The following SH2D4A variants were observed in gnomAD, a reference collection of about 807,000 sequenced individuals.
SH2D4A encodes SH2 domain-containing protein 4A.
A neutral mutation model predicts 64.7 loss-of-function variants in SH2D4A; 70 were observed. That is an observed-to-expected ratio of 1.08 (90% confidence interval 0.89 to 1.32). The LOEUF (loss-of-function observed/expected upper bound fraction) is 1.32. SH2D4A is among the 40% of genes most tolerant of loss of function. The probability of loss-of-function intolerance (pLI) is 0.00; values close to 1 mark genes in which losing one functional copy is unlikely to be tolerated. For synonymous variants in SH2D4A, 268 were observed against 200.7 expected, an observed-to-expected ratio of 1.34 and a Z score of -2.83; for missense variants, 706 against 540.1, an observed-to-expected ratio of 1.31 and a Z score of -3.04.
At chr8:19,392,276 A>G (rs1295395244) in intron 8 of SH2D4A, among the ~76,000 whole-genome samples, 1 of 152,208 alleles carries the variant, frequency 6.6e-6, no homozygotes, top group Non-Finnish European at 1.5e-5. Flanking sequence ...ATTTAGCAAT[A>G]GCTACAGGCT....
intron 1 of SH2D4A, among the ~76,000 whole-genome samples, chr8:19,318,244 T>C (rs1563181109): frequency 6.6e-6 from 1 of 152,182 alleles, no homozygotes. Flanking sequence ...TCTGAAAAGT[T>C]GTAGTAAGTT....
At chr8:19,328,027 C>G (rs1230307310) in intron 2 of SH2D4A, among the ~76,000 whole-genome samples, 5 of 152,202 alleles carry the variant, frequency 3.3e-5, no homozygotes. Context: ...TCTCCCTGGT[C>G]TCCTCCACTG....
Position 19,319,743 on chromosome 8 carries a change from G to C in SH2D4A, c.181+15G>C. ...ACCAAAGAAAGGTAAACTTATCCAC[G>C]TTTCTTCTGTGGATGTGTTGGTAGA... On this transcript the variant is annotated intron_variant, in intron 2 of 9. Coordinates refer to ENST00000265807, the MANE Select transcript of SH2D4A (RefSeq NM_022071.4). The C allele has an allele frequency of 6.5e-7, 1 of 1,550,042 alleles. No individual in the cohort carries two copies. Among genetic ancestry groups the C allele is most frequent in the Non-Finnish European group, 8.7e-7 (1 of 1,151,266 alleles).
At chr8:19,315,075 T>TA (rs34808842) in intron 1 of SH2D4A, among the ~76,000 whole-genome samples, 211 of 151,858 alleles carry the variant, frequency 1.4e-3, no homozygotes, top group Admixed American at 3.7e-3. Context: ...GGTTTTTACG[T>TA]AAAAAAAACC....
intron 8 of SH2D4A, among the ~76,000 whole-genome samples, chr8:19,383,735 A>C (rs761007211): frequency 9.9e-5 from 15 of 152,106 alleles, no homozygotes; most frequent in Non-Finnish European, 2.1e-4. Context: ...CTGTATCTTT[A>C]CATGGCCATG....
In SH2D4A at chr8:19,357,234, A is replaced by G; in HGVS notation, c.545A>G (p.Gln182Arg). The G allele has an allele frequency of 6.2e-7, 1 of 1,614,048 alleles. No homozygotes were observed. Among genetic ancestry groups the G allele is most frequent in the Non-Finnish European group, 8.5e-7 (1 of 1,179,882 alleles). The change falls in exon 5 of 10, where the codon CAA becomes CGA. Residue 182 changes from glutamine (Q) to arginine (R), a missense_variant. Gln to Arg is a conservative substitution (Grantham distance 43). Transcript: ENST00000265807. Reference sequence around the variant, plus strand: ...TCCAGTTCTTCAAGAAATATTCAACAAATGTTGGCAGATTCAATCAATCGT... The same window carrying G: ...TCCAGTTCTTCAAGAAATATTCAACGAATGTTGGCAGATTCAATCAATCGT... ...SLSSSSRNIQ[Q>R]MLADSINRMK...
Position 19,394,599 on chromosome 8 carries a change from G to T in SH2D4A, c.1322G>T (p.Gly441Val), listed in dbSNP as rs2053555737. The T allele has an allele frequency of 1.9e-6, 3 of 1,608,454 alleles. No individual in the cohort carries two copies. In the East Asian group the frequency reaches 6.7e-5, roughly 36 times the overall value. Residue 441 changes from glycine (G) to valine (V), a missense_variant, in exon 10 of 10, where the codon GGT becomes GTT. Physicochemically the swap from Gly to Val is moderately radical, Grantham distance 109. Transcript: ENST00000265807. ...LGKELLLYPC[G>V]QQDQLPDYLE... ...AAGGAGCTCCTTCTCTATCCCTGTG[G>T]TCAGCAGGACCAGCTGCCTGACTAC...
intron 2 of SH2D4A, among the ~76,000 whole-genome samples, chr8:19,321,217 CTTGT>C (rs2052185693): frequency 1.4e-5 from 2 of 147,494 alleles, no homozygotes; most frequent in South Asian, 4.4e-4. Context: ...TTTTTTTTTG[CTTGT>C]TTGTTTGTTT....
chr8:19,331,774 A>C (rs528579432), intron 2 of SH2D4A, among the ~76,000 whole-genome samples: 4 of 152,298 alleles, frequency 2.6e-5, no homozygotes, highest in African/African-American at 9.6e-5. Flanking sequence ...CAGCAACCCT[A>C]GGTAGTAAAT....
chr8:19,366,862 T>C (rs1373027661), intron 7 of SH2D4A, among the ~76,000 whole-genome samples: 2 of 152,200 alleles, frequency 1.3e-5, no homozygotes, highest in South Asian at 2.1e-4. Context: ...TGTCCTTCTG[T>C]GTTTGGCTTA....
chr8:19,372,742 T>A (rs1329534146), intron 7 of SH2D4A, among the ~76,000 whole-genome samples: 2 of 152,234 alleles, frequency 1.3e-5, no homozygotes, highest in African/African-American at 4.8e-5. Context: ...ATCCTAGAAC[T>A]TAGGTTCTGC....
chr8:19,341,324 T>C (rs984261564), intron 4 of SH2D4A, among the ~76,000 whole-genome samples: 8 of 152,226 alleles, frequency 5.3e-5, no homozygotes, highest in African/African-American at 1.9e-4. Context: ...TATATTGTCA[T>C]GTCTTCAAAA....
chr8:19,385,535 A>G (rs539444805), intron 8 of SH2D4A, among the ~76,000 whole-genome samples: 1 of 152,128 alleles, frequency 6.6e-6, no homozygotes, highest in East Asian at 1.9e-4. Flanking sequence ...CCATTTTTTG[A>G]TACATCCTAC....
intron 4 of SH2D4A, among the ~76,000 whole-genome samples, chr8:19,354,721 C>T (rs557417695): frequency 1.1e-4 from 16 of 152,188 alleles, no homozygotes; most frequent in African/African-American, 3.4e-4. Flanking sequence ...GGATAACTCA[C>T]GCATTGTGTT....
rs191943792 is a variant in SH2D4A, at chr8:19,332,312, G to T, written c.182-643G>T. ...AGGATAATGCAAACAATGAATGCTT[G>T]CTTCCCATTTCAGTTTCTTCATTTA... On this transcript the variant is annotated intron_variant, in intron 2 of 9. Transcript: ENST00000265807. Among the ~76,000 whole-genome samples, 314 of 152,154 alleles carry T rather than the reference G, an allele frequency of 2.1e-3. 3 individuals carry two copies. Among genetic ancestry groups the T allele is most frequent in the African/African-American group, 7.2e-3 (300 of 41,524 alleles).
At chr8:19,348,723 G>A (rs749214989) in intron 4 of SH2D4A, among the ~76,000 whole-genome samples, 1 of 152,176 alleles carries the variant, frequency 6.6e-6, no homozygotes, top group Non-Finnish European at 1.5e-5. Context: ...AAAAGTTTTT[G>A]GTTTTCTGTC....
Position 19,327,983 on chromosome 8 carries a change from G to T in SH2D4A, c.182-4972G>T, listed in dbSNP as rs562761197. ...TCTCAGCAGGGCTTGACACTGCCCTGTCCCTTTCCTCTCTCAGCAACATGG... is the reference window on the plus strand; with the variant it reads ...TCTCAGCAGGGCTTGACACTGCCCTTTCCCTTTCCTCTCTCAGCAACATGG... On this transcript the variant is annotated intron_variant, in intron 2 of 9. Coordinates refer to ENST00000265807, the MANE Select transcript of SH2D4A (RefSeq NM_022071.4). Among the ~76,000 whole-genome samples the T allele has an allele frequency of 2.6e-5, 4 of 152,240 alleles. No homozygotes were observed. In the South Asian group the frequency reaches 8.3e-4, roughly 32 times the overall value.
intron 8 of SH2D4A, among the ~76,000 whole-genome samples, chr8:19,376,695 T>C: frequency 6.6e-6 from 1 of 152,102 alleles, no homozygotes; most frequent in East Asian, 1.9e-4. Flanking sequence ...GAATAACTTT[T>C]GACCAAATAT....
intron 7 of SH2D4A, among the ~76,000 whole-genome samples, chr8:19,370,528 CT>C (rs1362907905): frequency 6.6e-6 from 1 of 151,954 alleles, no homozygotes; most frequent in East Asian, 1.9e-4. Flanking sequence ...TTCAGGTCTG[CT>C]TTATATGATA....
Sources: gnomAD v4.1 joint callset for allele counts (sites outside exome capture counted in the v4.1 genomes callset) on GRCh38, gnomAD v4.1.1 for gene constraint, MANE v1.5 for transcripts, NCBI Gene and HGNC (gene_info 2026-07-23, HGNC 2026-07-21) for gene names.